EVL: variants seen among roughly 807,000 people sequenced by gnomAD.
EVL encodes the protein ena/VASP-like protein.
A neutral mutation model predicts 59.6 loss-of-function variants in EVL; 21 were observed. The observed-to-expected ratio is 0.35, with a 90% CI of 0.25 to 0.51. EVL has a LOEUF of 0.51. Among genes scored for constraint, EVL ranks in the 20% least tolerant of loss-of-function variants. The probability of loss-of-function intolerance (pLI) is 0.97; values close to 1 mark genes in which losing one functional copy is unlikely to be tolerated. For missense variants in EVL, 462 were observed against 546.6 expected (o/e 0.85, Z 1.54); for synonymous variants, 198 against 203.5 (o/e 0.97, Z 0.23).
At chr14:100,095,716 C>T (rs909271193) in intron 2 of EVL, among the ~76,000 whole-genome samples, 1 of 151,158 alleles carries the variant, frequency 6.6e-6, no homozygotes, top group African/African-American at 2.4e-5. Context: ...GAAACAATTA[C>T]AGGTTTTGTT....
In EVL at chr14:100,130,744, G is replaced by C. The variant is rs1479564374; in HGVS notation, c.839+1060G>C. ...CACAGCCTGGGTTTCCTGCCAAGGG[G>C]CTCTTTGCTTGCATCACAGATGGCA... On this transcript the variant is annotated intron_variant, in intron 7 of 13. Transcript: ENST00000392920. This position sits in a 1 kb window ranked among gnomAD's most constrained non-coding sequence, Gnocchi z 4.8. Among the ~76,000 whole-genome samples, 1 of 152,236 alleles carries C rather than the reference G, an allele frequency of 6.6e-6. No individual in the cohort carries two copies. The highest frequency in any genetic ancestry group is 1.9e-4 in the East Asian group (1 of 5,196).
In EVL at chr14:100,128,613, T is replaced by G; in HGVS notation, c.582T>G (p.Pro194=). Residue 194 remains proline, a synonymous_variant, in exon 6 of 14, where the codon CCT becomes CCG. Coordinates refer to ENST00000392920, the MANE Select transcript of EVL (RefSeq NM_016337.3). ...CGCCCCCCCCACCCCCAGTCCCACC[T>G]CCACCCACTGGGGCTACCCCACCTC... The part of the protein sequence containing the change: ...PPPPPPPPVP[P]PPTGATPPPP... 4.3e-6 allele frequency: 3 copies of G among 690,026 alleles called. No homozygotes were observed. Among genetic ancestry groups the G allele is most frequent in the African/African-American group, 5.5e-5 (1 of 18,136 alleles). The allele number at this position is 690,026 out of a possible 1,614,324, so 42.7% of individuals were successfully genotyped here.
intron 13 of EVL, among the ~76,000 whole-genome samples, 168 bp from the exon 14 acceptor site, chr14:100,143,533 G>A (rs541165252): frequency 2.8e-4 from 42 of 152,324 alleles, no homozygotes; most frequent in African/African-American, 9.6e-4. Context: ...GAGACCCAAA[G>A]CCTTTGGTCA....
At chr14:100,061,460 CAAAAAAA>C (rs869039779), upstream of EVL, among the ~76,000 whole-genome samples, 1 of 64,584 alleles carries the variant, frequency 1.5e-5, no homozygotes, top group Non-Finnish European at 3.0e-5. Context: ...CCTCAGGCTG[CAAAAAAA>C]AAAAAAAAAA....
chr14:100,085,898 C>G (rs749611952), intron 2 of EVL, among the ~76,000 whole-genome samples: 1 of 152,078 alleles, frequency 6.6e-6, no homozygotes, highest in Admixed American at 6.6e-5. Flanking sequence ...GAGGCCAAGG[C>G]GGGTGGATTA....
At chr14:99,994,547 C>G (rs991779691) in intron 1 of EVL, among the ~76,000 whole-genome samples, 50 of 152,286 alleles carry the variant, frequency 3.3e-4, no homozygotes, top group African/African-American at 1.2e-3. Context: ...AAAAACTCTA[C>G]TCCTTTACAT....
chr14:100,101,331 TA>T (rs1886207889), intron 3 of EVL, among the ~76,000 whole-genome samples: 1 of 152,078 alleles, frequency 6.6e-6, no homozygotes, highest in East Asian at 1.9e-4. Context: ...ACTAAAAATA[TA>T]AAATTAGGCA....
intron 11 of EVL, chr14:100,140,251 A>T (rs561349719): frequency 6.6e-6 from 1 of 152,360 alleles, no homozygotes; most frequent in African/African-American, 2.4e-5. Context: ...AAGTAAAAAT[A>T]AAATTCAAAT....
intron 1 of EVL, among the ~76,000 whole-genome samples, chr14:99,981,908 G>C (rs2060809262): frequency 6.6e-6 from 1 of 152,220 alleles, no homozygotes; most frequent in African/African-American, 2.4e-5. Flanking sequence ...AACGAGGTCT[G>C]TCTGGATAAG....
chr14:100,094,966 G>A (rs530835300), intron 2 of EVL, among the ~76,000 whole-genome samples: 11 of 139,872 alleles, frequency 7.9e-5, no homozygotes, highest in South Asian at 7.0e-4. Flanking sequence ...GTTTGAACCC[G>A]GGAGGTGGAG....
chr14:100,005,288 C>T (rs1028306113), intron 1 of EVL, among the ~76,000 whole-genome samples: 13 of 152,158 alleles, frequency 8.5e-5, no homozygotes, highest in African/African-American at 3.1e-4. Context: ...CCTAAAGCCA[C>T]AAGATTAGAA....
At chr14:100,085,395 G>A (rs930134302) in intron 2 of EVL, among the ~76,000 whole-genome samples, 14 of 152,304 alleles carry the variant, frequency 9.2e-5, no homozygotes, top group African/African-American at 3.4e-4. Flanking sequence ...GTCATGAATA[G>A]TCATATACAC....
chr14:100,099,134 G>C (rs954747677), intron 3 of EVL, among the ~76,000 whole-genome samples: 2 of 148,742 alleles, frequency 1.3e-5, no homozygotes, highest in South Asian at 4.3e-4. Context: ...CTTGAGGTCC[G>C]GAGTTCAAGA....
At chr14:100,139,325 A>C (rs1276284735) in intron 11 of EVL, 2 of 152,270 alleles carry the variant, frequency 1.3e-5, no homozygotes, top group Non-Finnish European at 2.9e-5. Context: ...TCTGTTCTCT[A>C]ATTTTCAGAT....
At chr14:100,135,643 A>G (rs1035632388) in intron 8 of EVL, 3 of 416,898 alleles carry the variant, frequency 7.2e-6, no homozygotes, top group African/African-American at 6.0e-5. Flanking sequence ...GTTGAGGGCC[A>G]GAAGGAAGTT....
At chr14:99,993,694 T>C (rs1225704077) in intron 1 of EVL, among the ~76,000 whole-genome samples, 7 of 141,846 alleles carry the variant, frequency 4.9e-5, no homozygotes, top group Non-Finnish European at 9.2e-5. Context: ...TCTTTTTTTT[T>C]TTTTTTTTTT....
chr14:100,043,012 C>A (rs1175426785), intron 1 of EVL, among the ~76,000 whole-genome samples: 1 of 152,138 alleles, frequency 6.6e-6, no homozygotes, highest in Non-Finnish European at 1.5e-5. Context: ...ATTTTTCCTT[C>A]TGAAAAACTG....
chr14:99,973,726 C>T (rs2060751095), intron 1 of EVL, among the ~76,000 whole-genome samples: 2 of 152,268 alleles, frequency 1.3e-5, no homozygotes, highest in African/African-American at 4.8e-5. Context: ...GCCTCCCAAA[C>T]TGCTGGGATT....
At chr14:100,028,230 C>CT (rs1230684146) in intron 1 of EVL, among the ~76,000 whole-genome samples, 20 of 151,046 alleles carry the variant, frequency 1.3e-4, no homozygotes, top group Admixed American at 1.3e-3. Flanking sequence ...ACAAGGGCCC[C>CT]CCTTTCTCCA....
Sources: gnomAD v4.1 joint callset for allele counts (sites outside exome capture counted in the v4.1 genomes callset) on GRCh38, gnomAD v4.1.1 for gene constraint, Gnocchi (gnomAD v3.1) non-coding constraint, MANE v1.5 for transcripts, NCBI Gene and HGNC (gene_info 2026-07-23, HGNC 2026-07-21) for gene names.